UGT1A6: variants seen among roughly 807,000 people sequenced by gnomAD.
The protein encoded by UGT1A6 is UDP glucuronosyltransferase family 1 member A6, also known as UDP-glucuronosyltransferase 1A6.
A neutral mutation model predicts 44.4 loss-of-function variants in UGT1A6; 32 were observed. The ratio of observed to expected loss-of-function variants is 0.72; its 90% confidence interval spans 0.54 to 0.97. The LOEUF (loss-of-function observed/expected upper bound fraction) is 0.97. UGT1A6 is among the 50% of genes least tolerant of loss of function. UGT1A6 has a pLI of 0.00. For missense variants in UGT1A6, 685 were observed against 661.9 expected (o/e 1.03, Z -0.38); for synonymous variants, 238 against 248.5 (o/e 0.96, Z 0.40).
chr2:233,693,978 G>T (rs1189326021), intron 1 of UGT1A6, 113 bp downstream of exon 1: 83 of 1,557,818 alleles, frequency 5.3e-5, no homozygotes, highest in Non-Finnish European at 6.9e-5. Flanking sequence ...GAGAAACGGT[G>T]GGGGGAAGTG....
intron 1 of UGT1A6, among the ~76,000 whole-genome samples, chr2:233,748,921 T>C (rs1470974823): frequency 7.9e-5 from 12 of 151,634 alleles, no homozygotes; most frequent in Non-Finnish European, 2.9e-5. Context: ...CAGGTGAAGC[T>C]GAACATATCA....
chr2:233,724,947 G>A (rs941284896), intron 1 of UGT1A6, among the ~76,000 whole-genome samples: 4 of 144,674 alleles, frequency 2.8e-5, no homozygotes, highest in East Asian at 4.2e-4. Flanking sequence ...CTGCAATCCC[G>A]GCACCTCGGG....
At chr2:233,748,079 G>T in intron 1 of UGT1A6, 1 of 1,613,192 alleles carries the variant, frequency 6.2e-7, no homozygotes. Context: ...CACTATCTCA[G>T]GTCGGTGTTC....
chr2:233,732,205 G>A (rs1179659019), intron 1 of UGT1A6, among the ~76,000 whole-genome samples: 1 of 152,068 alleles, frequency 6.6e-6, no homozygotes, highest in East Asian at 1.9e-4. Context: ...TTGTCAGATG[G>A]GTAGATTGCA....
intron 1 of UGT1A6, chr2:233,718,866 C>A: frequency 4.3e-6 from 7 of 1,613,892 alleles, no homozygotes; most frequent in Non-Finnish European, 5.9e-6. Context: ...GGCCACAGGA[C>A]TGCTGCTCCT....
intron 2 of UGT1A6, among the ~76,000 whole-genome samples, 162 bp from the exon 3 acceptor site, chr2:233,767,687 C>A (rs1297182892): frequency 6.6e-6 from 1 of 152,176 alleles, no homozygotes; most frequent in Non-Finnish European, 1.5e-5. Flanking sequence ...AAACAAGATG[C>A]CGGAAGTTGC....
At chr2:233,717,135 C>T (rs1269027331) in intron 1 of UGT1A6, among the ~76,000 whole-genome samples, 2 of 152,326 alleles carry the variant, frequency 1.3e-5, no homozygotes, top group Middle Eastern at 3.4e-3. Flanking sequence ...TAGAACACCA[C>T]TACATGGAAA....
At chr2:233,754,968 C>T in intron 1 of UGT1A6, 3 of 1,303,126 alleles carry the variant, frequency 2.3e-6, no homozygotes, top group Non-Finnish European at 2.1e-6. Context: ...AAAGAACTCC[C>T]TGAAGACCTC....
chr2:233,747,668 C>T (rs1693744696), intron 1 of UGT1A6: 1 of 1,603,064 alleles, frequency 6.2e-7, no homozygotes, highest in East Asian at 2.2e-5. Context: ...TTTTAATAGA[C>T]CCAATTTACC....
intron 1 of UGT1A6, among the ~76,000 whole-genome samples, chr2:233,697,012 G>A (rs2075370161): frequency 6.6e-6 from 1 of 151,886 alleles, no homozygotes; most frequent in African/African-American, 2.4e-5. Context: ...ATCTATGTTC[G>A]TCAGAGATAT....
At chr2:233,717,972 C>G in intron 1 of UGT1A6, 1 of 447,844 alleles carries the variant, frequency 2.2e-6, no homozygotes, top group South Asian at 1.6e-5. Flanking sequence ...CTTTGGCATT[C>G]AGAAGAGGAA....
rs774552419 is a variant in UGT1A6 at position 233,767,911 on chromosome 2, G to A, written c.1056G>A (p.Lys352=). ...SNLANNTILV[K]WLPQNDLLGH... is the part of the protein sequence containing the mutation. Reference sequence around the variant, plus strand: ...TTGCGAACAACACGATACTTGTTAAGTGGCTACCCCAAAACGATCTGCTTG... The same window carrying A: ...TTGCGAACAACACGATACTTGTTAAATGGCTACCCCAAAACGATCTGCTTG... The change falls in exon 3 of 5, where the codon AAG becomes AAA. Residue 352 remains lysine (K), a synonymous_variant. Coordinates refer to ENST00000305139, the MANE Select transcript of UGT1A6 (RefSeq NM_001072.4). 13 of 1,614,068 alleles carry A rather than the reference G, an allele frequency of 8.1e-6. No homozygotes were observed. The highest frequency in any genetic ancestry group is 1.3e-5 in the African/African-American group (1 of 74,916).
intron 1 of UGT1A6, among the ~76,000 whole-genome samples, chr2:233,765,617 G>T (rs988431612): frequency 1.3e-5 from 2 of 151,904 alleles, no homozygotes; most frequent in African/African-American, 4.8e-5. Flanking sequence ...GGGGTGAGGG[G>T]TGAGGGGAGG....
At chr2:233,748,610 A>G (rs1485251658) in intron 1 of UGT1A6, among the ~76,000 whole-genome samples, 1 of 151,818 alleles carries the variant, frequency 6.6e-6, no homozygotes, top group Non-Finnish European at 1.5e-5. Context: ...TAGAGCAACG[A>G]ACGTGGGATA....
In UGT1A6 at chr2:233,722,286, T is replaced by C. The variant is rs567045948; in HGVS notation, c.861+28421T>C. 3.3e-5 allele frequency among the ~76,000 whole-genome samples: 5 copies of C among 152,342 alleles called. No homozygotes were observed. In the South Asian group the frequency reaches 8.3e-4, roughly 25 times the overall value. Reference sequence around the variant, plus strand: ...ATCATTTTTATTACATTGATTTCCTTTGTTATTTTGTCACCCTTACTTACT... The same window carrying C: ...ATCATTTTTATTACATTGATTTCCTCTGTTATTTTGTCACCCTTACTTACT... On this transcript the variant is annotated intron_variant, in intron 1 of 4. Transcript: ENST00000305139.
At chr2:233,712,927 G>A (rs1300502786) in intron 1 of UGT1A6, 9 of 1,611,900 alleles carry the variant, frequency 5.6e-6, no homozygotes, top group East Asian at 4.5e-5. Context: ...TAATTAAGAC[G>A]AAGGAAACAA....
chr2:233,720,874 T>TTTC (rs1334783084), intron 1 of UGT1A6, among the ~76,000 whole-genome samples: 2 of 147,924 alleles, frequency 1.4e-5, no homozygotes, highest in Non-Finnish European at 3.0e-5. Context: ...CCTGGCAATT[T>TTTC]TTTTTTTTTT....
intron 1 of UGT1A6, among the ~76,000 whole-genome samples, chr2:233,744,598 C>G (rs1055879945): frequency 2.0e-5 from 3 of 151,878 alleles, no homozygotes; most frequent in East Asian, 3.8e-4. Context: ...TTGCATCTCT[C>G]TTTAGTACTT....
intron 1 of UGT1A6, chr2:233,713,568 T>C: frequency 6.2e-7 from 1 of 1,613,984 alleles, no homozygotes; most frequent in South Asian, 1.1e-5. Context: ...CCCTTCCTCC[T>C]ATATTCCTAG....
Sources: gnomAD v4.1 joint callset for allele counts (sites outside exome capture counted in the v4.1 genomes callset) on GRCh38, gnomAD v4.1.1 for gene constraint, MANE v1.5 for transcripts, NCBI Gene and HGNC (gene_info 2026-07-23, HGNC 2026-07-21) for gene names.